The following WWOX variants were observed in gnomAD, a reference collection of about 807,000 sequenced individuals.
The protein encoded by WWOX is WW domain containing oxidoreductase, also known as WW domain-containing oxidoreductase.
Under a neutral mutation model 46.2 loss-of-function variants are expected in WWOX, and 69 were observed. The observed-to-expected ratio is 1.49, with a 90% CI of 1.23 to 1.82. The LOEUF (loss-of-function observed/expected upper bound fraction) is 1.82. Ranked by LOEUF, WWOX falls within the 40% of genes most tolerant of loss-of-function variation. The probability of loss-of-function intolerance (pLI) is 0.00; values close to 1 mark genes in which losing one functional copy is unlikely to be tolerated. For synonymous variants in WWOX, 359 were observed against 202.6 expected, an observed-to-expected ratio of 1.77 and a Z score of -6.56; for missense variants, 919 against 542.6, an observed-to-expected ratio of 1.69 and a Z score of -6.89.
chr16:78,577,359 A>G (rs1305306296), intron 8 of WWOX, among the ~76,000 whole-genome samples: 1 of 152,218 alleles, frequency 6.6e-6, no homozygotes, highest in Non-Finnish European at 1.5e-5. Context: ...TTTCTTCAGA[A>G]CAGAGCTTTT....
At chr16:78,509,905 T>A (rs907934739) in intron 8 of WWOX, among the ~76,000 whole-genome samples, 2 of 141,860 alleles carry the variant, frequency 1.4e-5, no homozygotes, top group Admixed American at 7.4e-5. Context: ...CCAGGCAACA[T>A]AGTGAGACCT....
At chr16:79,132,198 G>C (rs1250953742) in intron 8 of WWOX, among the ~76,000 whole-genome samples, 1 of 151,322 alleles carries the variant, frequency 6.6e-6, no homozygotes, top group East Asian at 1.9e-4. Flanking sequence ...CCTGTACTTG[G>C]AAAGCAATCA....
At chr16:78,110,339 C>CAAAAAAAAAA (rs34862048) in intron 3 of WWOX, among the ~76,000 whole-genome samples, 1 of 85,706 alleles carries the variant, frequency 1.2e-5, no homozygotes, top group Admixed American at 1.4e-4. Context: ...GACTCCTTCT[C>CAAAAAAAAAA]AAAAAAAAAA....
At chr16:78,599,171 G>A (rs564695351) in intron 8 of WWOX, among the ~76,000 whole-genome samples, 2 of 152,134 alleles carry the variant, frequency 1.3e-5, no homozygotes, top group Admixed American at 6.5e-5. Context: ...CTCCAGTCCC[G>A]GGATCAAGAC....
intron 8 of WWOX, among the ~76,000 whole-genome samples, chr16:78,740,598 T>C (rs2142414222): frequency 6.6e-6 from 1 of 152,226 alleles, no homozygotes; most frequent in East Asian, 1.9e-4. Flanking sequence ...CTTTCAGGCA[T>C]GGGGCGCCGT....
intron 8 of WWOX, among the ~76,000 whole-genome samples, chr16:78,488,638 C>T (rs1424387775): frequency 2.0e-5 from 3 of 152,084 alleles, no homozygotes; most frequent in Non-Finnish European, 4.4e-5. Flanking sequence ...GTGCTCTGAG[C>T]TCATTAGGCG....
chr16:78,577,001 A>C (rs1597293994), intron 8 of WWOX, among the ~76,000 whole-genome samples: 1 of 152,338 alleles, frequency 6.6e-6, no homozygotes, highest in Middle Eastern at 3.4e-3. Context: ...CTGCAGAACA[A>C]ATCACCCCAA....
rs147704772 is a variant in WWOX, at chr16:78,682,274, G to C, written c.1056+249522G>C. Among the ~76,000 whole-genome samples, 580 of 152,206 alleles carry C rather than the reference G, an allele frequency of 3.8e-3. 2 individuals are homozygous for C. The highest frequency in any genetic ancestry group is 0.013 in the African/African-American group (528 of 41,524). On this transcript the variant is annotated intron_variant, in intron 8 of 8. Coordinates refer to ENST00000566780, the MANE Select transcript of WWOX (RefSeq NM_016373.4). ...AAATAACAATCTTCTATTTAAACTAGTAAACTTAATAGTTTAAAATACTTG... is the reference window on the plus strand; with the variant it reads ...AAATAACAATCTTCTATTTAAACTACTAAACTTAATAGTTTAAAATACTTG...
intron 5 of WWOX, among the ~76,000 whole-genome samples, chr16:78,242,684 C>G (rs1444792834): frequency 1.3e-5 from 2 of 152,094 alleles, no homozygotes; most frequent in East Asian, 3.9e-4. Flanking sequence ...TAATAGGGGA[C>G]AGGAGAGAGC....
At chr16:78,438,624 C>T (rs1278888193) in intron 8 of WWOX, among the ~76,000 whole-genome samples, 1 of 152,102 alleles carries the variant, frequency 6.6e-6, no homozygotes, top group Admixed American at 6.5e-5. Flanking sequence ...TGGCAGATAA[C>T]AGTAGAAAGA....
intron 8 of WWOX, among the ~76,000 whole-genome samples, chr16:78,789,518 T>G (rs2050542005): frequency 1.3e-5 from 2 of 152,190 alleles, no homozygotes; most frequent in South Asian, 4.1e-4. Flanking sequence ...ATGCCTGTCC[T>G]TATGCCATTG....
intron 4 of WWOX, among the ~76,000 whole-genome samples, chr16:78,139,217 C>T (rs1031539932): frequency 6.6e-6 from 1 of 152,070 alleles, no homozygotes; most frequent in Non-Finnish European, 1.5e-5. Flanking sequence ...GAGAGATAAT[C>T]CTAGCTTTCT....
chr16:78,768,732 G>C (rs1244556128), intron 8 of WWOX, among the ~76,000 whole-genome samples: 1 of 152,148 alleles, frequency 6.6e-6, no homozygotes, highest in African/African-American at 2.4e-5. Flanking sequence ...AATTATCGGC[G>C]TGTTTTATGC....
At position 78,965,083 on chromosome 16, in the gene WWOX, G is replaced by A. The variant is rs1309911064; in HGVS notation, c.1057-246525G>A. On this transcript the variant is annotated intron_variant, in intron 8 of 8. Transcript: ENST00000566780. ...GCCCTCATGGAGAACCTCTGCTAGG[G>A]CAGTGCTGAAGGGAAATGTAGGGCT... Among the ~76,000 whole-genome samples, 9 of 152,230 alleles carry A rather than the reference G, an allele frequency of 5.9e-5. No individual in the cohort carries two copies. In the East Asian group the frequency reaches 1.3e-3, roughly 23 times the overall value.
intron 8 of WWOX, among the ~76,000 whole-genome samples, chr16:78,973,583 C>T (rs948149568): frequency 6.6e-6 from 1 of 152,010 alleles, no homozygotes; most frequent in East Asian, 1.9e-4. Context: ...CACAGTTTTT[C>T]TTTCTGTCTC....
At chr16:78,154,908 T>C (rs1597279233) in intron 4 of WWOX, among the ~76,000 whole-genome samples, 1 of 152,158 alleles carries the variant, frequency 6.6e-6, no homozygotes, top group Non-Finnish European at 1.5e-5. Context: ...TCCTGAATAA[T>C]GTGCACTGAG....
intron 8 of WWOX, among the ~76,000 whole-genome samples, chr16:78,888,138 A>G (rs2044507012): frequency 6.6e-6 from 1 of 152,130 alleles, no homozygotes; most frequent in African/African-American, 2.4e-5. Context: ...GCCATTTACA[A>G]CAAAAAGCTG....
At chr16:78,739,838 A>C (rs2049174043) in intron 8 of WWOX, among the ~76,000 whole-genome samples, 1 of 151,916 alleles carries the variant, frequency 6.6e-6, no homozygotes, top group Non-Finnish European at 1.5e-5. Context: ...ACAAACAAAA[A>C]CCCCAGATAT....
At chr16:78,796,970 C>T (rs1365733012) in intron 8 of WWOX, among the ~76,000 whole-genome samples, 1 of 152,048 alleles carries the variant, frequency 6.6e-6, no homozygotes, top group Non-Finnish European at 1.5e-5. Context: ...GGATTATAGG[C>T]ATGAGCCACC....
Sources: gnomAD v4.1 joint callset for allele counts (sites outside exome capture counted in the v4.1 genomes callset) on GRCh38, gnomAD v4.1.1 for gene constraint, MANE v1.5 for transcripts, NCBI Gene and HGNC (gene_info 2026-07-23, HGNC 2026-07-21) for gene names.